Variants in ARHGEF37 observed in about 807,000 individuals in gnomAD.
ARHGEF37 encodes the protein Rho guanine nucleotide exchange factor 37, also known as Rho guanine nucleotide exchange factor (GEF) 37.
ARHGEF37 carries 55 observed loss-of-function variants against 71.1 expected under a neutral mutation model. That is an observed-to-expected ratio of 0.77 (90% CI 0.62 to 0.97). The LOEUF is 0.97. ARHGEF37 is among the 50% of genes least tolerant of loss of function. ARHGEF37 has a pLI of 0.00. For synonymous variants in ARHGEF37, 327 were observed against 350.6 expected, an observed-to-expected ratio of 0.93 and a Z score of 0.75; for missense variants, 765 against 836.8, an observed-to-expected ratio of 0.91 and a Z score of 1.06.
intron 1 of ARHGEF37, among the ~76,000 whole-genome samples, chr5:149,557,970 A>G (rs902713527): frequency 2.6e-5 from 4 of 151,718 alleles, no homozygotes; most frequent in South Asian, 2.1e-4. Flanking sequence ...GGTTCAAGCA[A>G]TTCTCCTGCC....
chr5:149,622,855 A>C (rs776832843), intron 9 of ARHGEF37, among the ~76,000 whole-genome samples: 12 of 152,360 alleles, frequency 7.9e-5, no homozygotes, highest in South Asian at 6.2e-4. Context: ...TCAACATGAG[A>C]GCTGAATTGC....
intron 1 of ARHGEF37, among the ~76,000 whole-genome samples, chr5:149,568,436 G>C (rs567493210): frequency 6.6e-6 from 1 of 152,216 alleles, no homozygotes; most frequent in East Asian, 1.9e-4. Context: ...ATAATGTTTT[G>C]AGGTAAAATT....
chr5:149,618,341 G>A, intron 6 of ARHGEF37, 35 bp downstream of exon 6: 1 of 1,613,470 alleles, frequency 6.2e-7, no homozygotes, highest in Non-Finnish European at 8.5e-7. Flanking sequence ...GTCACATCCA[G>A]CCACCCCCAA....
chr5:149,628,597 G>T (rs568657634), intron 11 of ARHGEF37, among the ~76,000 whole-genome samples: 2 of 152,348 alleles, frequency 1.3e-5, no homozygotes, highest in Admixed American at 6.5e-5. Context: ...CGTCTGTCCG[G>T]TAGGGAATGA....
rs143331439 is a variant in ARHGEF37, at chr5:149,624,538, C to T, written c.1464+398C>T. 7.9e-3 allele frequency among the ~76,000 whole-genome samples: 1,208 copies of T among 152,308 alleles called. 17 individuals carry two copies. Among genetic ancestry groups the T allele is most frequent in the African/African-American group, 0.028 (1,156 of 41,570 alleles). On this transcript the variant is annotated intron_variant, in intron 10 of 12. Coordinates refer to ENST00000333677, the MANE Select transcript of ARHGEF37 (RefSeq NM_001001669.3). The stretch of plus-strand genomic sequence containing the variant: ...CCTGTAATCTCAGCACTTTGGGAGG[C>T]CGAGGTGGGTGGATCACTTGAGGCC...
At chr5:149,631,958 T>C (rs753411391) in intron 12 of ARHGEF37, 24 bp from the exon 13 acceptor site, 8 of 1,611,122 alleles carry the variant, frequency 5.0e-6, no homozygotes, top group Non-Finnish European at 6.8e-6. Flanking sequence ...TGACCATTTC[T>C]GTGTCACTCC....
rs770220276 is a variant in ARHGEF37 at position 149,601,242 on chromosome 5, A to T, written c.310+11A>T. 3 of 1,609,054 alleles carry T rather than the reference A, an allele frequency of 1.9e-6. No individual in the cohort carries two copies. In the Admixed American group the frequency reaches 5.0e-5, roughly 27 times the overall value. On this transcript the variant is annotated intron_variant, in intron 3 of 12. Coordinates refer to ENST00000333677, the MANE Select transcript of ARHGEF37 (RefSeq NM_001001669.3). ...AAGTGCAGCTAGTTGGTAAGCAAAAAACCTAAGGAGTTGTCAGCCTTAGAT... is the reference window on the plus strand; with the variant it reads ...AAGTGCAGCTAGTTGGTAAGCAAAATACCTAAGGAGTTGTCAGCCTTAGAT...
At chr5:149,572,911 A>G (rs999825343) in intron 1 of ARHGEF37, among the ~76,000 whole-genome samples, 5 of 152,050 alleles carry the variant, frequency 3.3e-5, no homozygotes, top group Non-Finnish European at 4.4e-5. Flanking sequence ...AATACCTAAG[A>G]CTAGGTAATT....
upstream of ARHGEF37, among the ~76,000 whole-genome samples, chr5:149,577,190 T>C (rs11954602): frequency 4.5e-3 from 686 of 152,310 alleles, 6 homozygotes; most frequent in African/African-American, 0.016. Context: ...ATCTGTAAGA[T>C]GCAAATAATA....
rs148496730 is a variant in ARHGEF37, at chr5:149,620,424, A to G, written c.965A>G (p.Asn322Ser). The G allele has an allele frequency of 1.2e-5, 20 of 1,612,590 alleles. No homozygotes were observed. The Middle Eastern group carries it at 6.6e-4, about 53-fold the overall frequency. ...GAGGGGCCTGCAGTGCAGTATTGCA[A>G]TTTGGCAAGAGACCTTCACCTTGAG... is the stretch of plus-strand genomic sequence containing the variant. ...IPEGPAVQYCNLARDLHLEAF... is the reference protein window; with the variant it reads ...IPEGPAVQYCSLARDLHLEAF... The change falls in exon 8 of 13, where the codon AAT (asparagine) becomes AGT (serine). Residue 322 changes from asparagine (N) to serine (S), a missense_variant. Asn to Ser is a conservative substitution (Grantham distance 46). Transcript: ENST00000333677.
chr5:149,576,115 C>A (rs774800860), intron 1 of ARHGEF37, among the ~76,000 whole-genome samples: 8 of 152,190 alleles, frequency 5.3e-5, no homozygotes, highest in Admixed American at 1.3e-4. Flanking sequence ...CCTGGTGGCA[C>A]ATGCCTGTAA....
intron 3 of ARHGEF37, among the ~76,000 whole-genome samples, chr5:149,605,565 G>A (rs1315185619): frequency 6.6e-6 from 1 of 152,164 alleles, no homozygotes; most frequent in Non-Finnish European, 1.5e-5. Context: ...TACCGCAGGA[G>A]CTTTGGAATC....
At chr5:149,600,903 C>T (rs1763735468) in intron 2 of ARHGEF37, among the ~76,000 whole-genome samples, 1 of 152,198 alleles carries the variant, frequency 6.6e-6, no homozygotes, top group South Asian at 2.1e-4. Context: ...CCCCAACGTG[C>T]TGGGATTACA....
At chr5:149,624,938 GC>G (rs1332983067) in intron 10 of ARHGEF37, among the ~76,000 whole-genome samples, 1 of 135,028 alleles carries the variant, frequency 7.4e-6, no homozygotes, top group Non-Finnish European at 1.5e-5. Flanking sequence ...TCACACTGTC[GC>G]CCAGGGTGGA....
intron 1 of ARHGEF37, among the ~76,000 whole-genome samples, chr5:149,593,033 G>T (rs922926988): frequency 6.6e-6 from 1 of 152,170 alleles, no homozygotes; most frequent in Non-Finnish European, 1.5e-5. Context: ...GCCTTCCAAA[G>T]TGCTGAGATT....
chr5:149,592,495 A>T (rs1763439103), intron 1 of ARHGEF37, among the ~76,000 whole-genome samples: 1 of 152,080 alleles, frequency 6.6e-6, no homozygotes, highest in African/African-American at 2.4e-5. Flanking sequence ...TTCATTTCTG[A>T]GTATTCAGTG....
Position 149,628,968 on chromosome 5 carries a change from T to A in ARHGEF37, c.1818+2T>A, listed in dbSNP as rs1399954805. 1 of 1,611,220 alleles carries A rather than the reference T, an allele frequency of 6.2e-7. No individual in the cohort carries two copies. Among genetic ancestry groups the A allele is most frequent in the Non-Finnish European group, 8.5e-7 (1 of 1,179,544 alleles). On this transcript the variant is annotated splice_donor_variant, in intron 12 of 12. Transcript: ENST00000333677. LOFTEE classifies it high-confidence loss of function. ...CCCTCTATTCCCACCATGAACCAGGTGAGTATAGGAGAGGGCTGGGGGCTT... is the reference window on the plus strand; with the variant it reads ...CCCTCTATTCCCACCATGAACCAGGAGAGTATAGGAGAGGGCTGGGGGCTT...
At chr5:149,590,775 T>G (rs1763383160) in intron 1 of ARHGEF37, among the ~76,000 whole-genome samples, 1 of 152,008 alleles carries the variant, frequency 6.6e-6, no homozygotes, top group Admixed American at 6.6e-5. Context: ...TTTTTTGTAT[T>G]TTTTATAGAG....
At chr5:149,620,299 C>T (rs546732768) in intron 7 of ARHGEF37, 55 bp from the exon 8 acceptor site, 16 of 1,314,056 alleles carry the variant, frequency 1.2e-5, no homozygotes, top group East Asian at 5.0e-5. Flanking sequence ...GGGATTCCAG[C>T]GTAAGATGGC....
Sources: gnomAD v4.1 joint callset for allele counts (sites outside exome capture counted in the v4.1 genomes callset) on GRCh38, gnomAD v4.1.1 for gene constraint, MANE v1.5 for transcripts, NCBI Gene and HGNC (gene_info 2026-07-23, HGNC 2026-07-21) for gene names.